Variants in LIMD1 observed in about 807,000 individuals in gnomAD.
LIMD1 encodes the protein LIM domain containing 1.
In LIMD1, 23 loss-of-function variants were observed where a neutral mutation model predicts 58.4. The observed-to-expected ratio is 0.39, with a 90% CI of 0.28 to 0.56. The LOEUF (loss-of-function observed/expected upper bound fraction) is 0.56, where lower values mean the gene tolerates loss of function less well. Ranked by LOEUF, LIMD1 falls within the 20% of genes least tolerant of loss-of-function variation. The probability of loss-of-function intolerance (pLI) is 0.57; values close to 1 mark genes in which losing one functional copy is unlikely to be tolerated. For synonymous variants in LIMD1, 334 were observed against 345.5 expected, an observed-to-expected ratio of 0.97 and a Z score of 0.37; for missense variants, 838 against 855.5, an observed-to-expected ratio of 0.98 and a Z score of 0.25.
At position 45,665,796 on chromosome 3, in the gene LIMD1, C is replaced by T. The variant is rs147221481; in HGVS notation, c.1578+79C>T. 11 of 1,212,966 alleles carry T rather than the reference C, an allele frequency of 9.1e-6. 1 individual carries two copies. Among genetic ancestry groups the T allele is most frequent in the South Asian group, 6.3e-5 (5 of 79,150 alleles). The allele number at this position is 1,212,966 out of a possible 1,614,324, so 75.1% of individuals were successfully genotyped here. ...AGGGGCCTGGGGGGACCTGGGCCAG[C>T]GTGTAGGGAAGCTGCACTGCTGGAG... On this transcript the variant is annotated intron_variant, in intron 3 of 7. Coordinates refer to ENST00000273317, the MANE Select transcript of LIMD1 (RefSeq NM_014240.3).
chr3:45,607,274 A>G (rs4458403), intron 1 of LIMD1, among the ~76,000 whole-genome samples: 45,321 of 151,864 alleles, frequency 0.3, 8,407 homozygotes, highest in Middle Eastern at 0.46. Context: ...TTACAGGGAA[A>G]CCAGCTGGAC....
chr3:45,673,463 C>G lies in LIMD1; in HGVS notation c.1782C>G (p.Ala594=). The part of the protein sequence containing the change: ...YCVRDYHKVL[A]PKCAACGLPI... ...TTGTTTCTCCCCACAGGGTGCTGGC[C>G]CCCAAGTGTGCAGCCTGTGGGCTTC... The change falls in exon 6 of 8, where the codon GCC becomes GCG. Residue 594 remains alanine (A), a synonymous_variant. Transcript: ENST00000273317. 3 of 1,613,934 alleles carry G rather than the reference C, an allele frequency of 1.9e-6. No homozygotes were observed. The highest frequency in any genetic ancestry group is 2.5e-6 in the Non-Finnish European group (3 of 1,179,860).
At chr3:45,665,998 G>C (rs959404910) in intron 3 of LIMD1, among the ~76,000 whole-genome samples, 2 of 152,132 alleles carry the variant, frequency 1.3e-5, no homozygotes, top group African/African-American at 4.8e-5. Context: ...TAGACCACTG[G>C]ACTGGGACCT....
chr3:45,614,615 G>A lies in LIMD1; in HGVS notation c.1408+18328G>A, dbSNP rs544005567. On this transcript the variant is annotated intron_variant, in intron 1 of 7. Transcript: ENST00000273317. ...GTGCGTGCCTATAGTTCCAGGTACC[G>A]GGGAGGCTGAGGTGGGAGGATCATA... Among the ~76,000 whole-genome samples, 5 of 151,674 alleles carry A rather than the reference G, an allele frequency of 3.3e-5. No individual in the cohort carries two copies. The East Asian group carries it at 5.8e-4, about 18-fold the overall frequency.
chr3:45,676,197 G>A (rs1427883150), intron 7 of LIMD1, among the ~76,000 whole-genome samples: 2 of 151,668 alleles, frequency 1.3e-5, no homozygotes, highest in South Asian at 2.1e-4. Context: ...AGCTGAGATC[G>A]CACCACTGCA....
rs1296634240 is a variant in LIMD1, at chr3:45,678,894, G to A, written c.*1835G>A. 1 of 152,190 alleles carries A rather than the reference G, an allele frequency of 6.6e-6. No homozygotes were observed. Among genetic ancestry groups the A allele is most frequent in the Non-Finnish European group, 1.5e-5 (1 of 68,048 alleles). 9.4% of individuals were successfully genotyped at this position (152,190 alleles called of 1,614,324 possible). On this transcript the variant is annotated 3_prime_UTR_variant, in exon 8 of 8. Transcript: ENST00000273317. ...TTTGGCCAGATGTCACTTCAGCCAGGGTGTGCATCATCATTGGTTCTTTTT... is the reference window on the plus strand; with the variant it reads ...TTTGGCCAGATGTCACTTCAGCCAGAGTGTGCATCATCATTGGTTCTTTTT...
chr3:45,609,498 G>A (rs1434770085), intron 1 of LIMD1, among the ~76,000 whole-genome samples: 6 of 152,076 alleles, frequency 3.9e-5, no homozygotes, highest in African/African-American at 9.7e-5. Flanking sequence ...ATGTGCCACC[G>A]CGCCTGGCTC....
chr3:45,613,137 T>G (rs1465379441), intron 1 of LIMD1, among the ~76,000 whole-genome samples: 1 of 152,228 alleles, frequency 6.6e-6, no homozygotes, highest in African/African-American at 2.4e-5. Context: ...GGCTGTGATG[T>G]GCTTTACAAC....
intron 2 of LIMD1, among the ~76,000 whole-genome samples, chr3:45,644,236 C>G (rs908757105): frequency 6.6e-6 from 1 of 152,194 alleles, no homozygotes; most frequent in Non-Finnish European, 1.5e-5. Context: ...GTTAGTTCGC[C>G]TCTGAAGGAC....
intron 7 of LIMD1, among the ~76,000 whole-genome samples, chr3:45,675,258 G>A (rs1436423549): frequency 2.0e-5 from 3 of 152,216 alleles, no homozygotes; most frequent in African/African-American, 7.2e-5. Flanking sequence ...GGCCGGGCGC[G>A]ATAGCTCACG....
At chr3:45,661,602 C>T (rs1207778190) in intron 2 of LIMD1, among the ~76,000 whole-genome samples, 1 of 152,292 alleles carries the variant, frequency 6.6e-6, no homozygotes. Flanking sequence ...ATTCTACTGA[C>T]ATTTAATACA....
chr3:45,668,073 A>G (rs1474310107), intron 3 of LIMD1, among the ~76,000 whole-genome samples: 2 of 152,200 alleles, frequency 1.3e-5, no homozygotes, highest in Non-Finnish European at 2.9e-5. Context: ...GCCCAGACAC[A>G]GTCATTGTTA....
intron 2 of LIMD1, among the ~76,000 whole-genome samples, chr3:45,665,128 A>C (rs1208171853): frequency 3.3e-5 from 5 of 152,112 alleles, no homozygotes; most frequent in African/African-American, 9.7e-5. Context: ...AGAAACAAAA[A>C]TATCCTTCCA....
chr3:45,595,232 C>T lies in LIMD1; in HGVS notation c.353C>T (p.Thr118Ile). Residue 118 changes from threonine (T) to isoleucine (I), a missense_variant, in exon 1 of 8, where the codon ACC becomes ATC. By Grantham distance (89) the Thr-to-Ile change is moderately conservative. Coordinates refer to ENST00000273317, the MANE Select transcript of LIMD1 (RefSeq NM_014240.3). ...AASTGAPGAV[T>I]TLAAGQPPYP... ...TCGACAGGGGCACCTGGGGCAGTCA[C>T]CACCCTCGCTGCTGGGCAGCCCCCG... The T allele has an allele frequency of 6.2e-7, 1 of 1,603,410 alleles. No individual in the cohort carries two copies. Among genetic ancestry groups the T allele is most frequent in the Non-Finnish European group, 8.5e-7 (1 of 1,174,700 alleles).
At chr3:45,651,289 T>G (rs1701972532) in intron 2 of LIMD1, among the ~76,000 whole-genome samples, 1 of 152,152 alleles carries the variant, frequency 6.6e-6, no homozygotes. Context: ...AGGTTGCCTG[T>G]TCACTCTGAT....
chr3:45,675,518 G>T (rs1697655608), intron 7 of LIMD1, among the ~76,000 whole-genome samples: 2 of 151,732 alleles, frequency 1.3e-5, no homozygotes, highest in South Asian at 4.1e-4. Context: ...AACAGAGCAA[G>T]ACTCCGTCTC....
At chr3:45,638,670 G>T (rs1701812560) in intron 2 of LIMD1, among the ~76,000 whole-genome samples, 1 of 152,166 alleles carries the variant, frequency 6.6e-6, no homozygotes, top group Non-Finnish European at 1.5e-5. Context: ...ATCCAGTAAT[G>T]GGATTACTGG....
rs1357965513 is a variant in LIMD1, at chr3:45,681,743, C to A, written c.*4684C>A. 1 of 152,218 alleles carries A rather than the reference C, an allele frequency of 6.6e-6. No individual in the cohort carries two copies. Among genetic ancestry groups the A allele is most frequent in the Non-Finnish European group, 1.5e-5 (1 of 68,044 alleles). The allele number at this position is 152,218 out of a possible 1,614,324, so 9.4% of individuals were successfully genotyped here. On this transcript the variant is annotated 3_prime_UTR_variant, in exon 8 of 8. Transcript: ENST00000273317. ...ATCCTTGAAAATATAAGTCTGGAAC[C>A]TGGCAATTGGTGTCTATTCTTACCA...
intron 2 of LIMD1, among the ~76,000 whole-genome samples, chr3:45,640,531 G>A (rs1424781229): frequency 5.9e-5 from 9 of 152,112 alleles, no homozygotes; most frequent in Admixed American, 3.3e-4. Context: ...GGGTTCAAGC[G>A]ATTCTCCTGC....
Sources: gnomAD v4.1 joint callset for allele counts (sites outside exome capture counted in the v4.1 genomes callset) on GRCh38, gnomAD v4.1.1 for gene constraint, MANE v1.5 for transcripts, NCBI Gene and HGNC (gene_info 2026-07-23, HGNC 2026-07-21) for gene names.